The following FARP1 variants were observed in gnomAD, a reference collection of about 807,000 sequenced individuals.
FARP1 encodes FERM, ARH/RhoGEF and pleckstrin domain protein 1.
A neutral mutation model predicts 128.8 loss-of-function variants in FARP1; 52 were observed. The ratio of observed to expected loss-of-function variants is 0.40; its 90% CI spans 0.32 to 0.51. FARP1 has a LOEUF of 0.51. Among genes scored for constraint, FARP1 ranks in the 20% least tolerant of loss-of-function variants. The probability of loss-of-function intolerance (pLI) is 0.45; values close to 1 mark genes in which losing one functional copy is unlikely to be tolerated. For missense variants in FARP1, 1,333 were observed against 1,367.9 expected, an observed-to-expected ratio of 0.97 and a Z score of 0.40; for synonymous variants, 580 against 551.8, an observed-to-expected ratio of 1.05 and a Z score of -0.72.
intron 5 of FARP1, among the ~76,000 whole-genome samples, chr13:98,371,261 T>C (rs1468035867): frequency 6.8e-6 from 1 of 146,620 alleles, no homozygotes; most frequent in Non-Finnish European, 1.5e-5. Flanking sequence ...TTGCCAATAG[T>C]TTTGCACCTT....
intron 13 of FARP1, chr13:98,395,969 T>C: frequency 5.0e-6 from 2 of 399,232 alleles, no homozygotes; most frequent in African/African-American, 4.1e-5. Flanking sequence ...GAGGGGAGTA[T>C]GGGAGAAGAC....
chr13:98,415,276 G>A (rs181983730), intron 16 of FARP1, among the ~76,000 whole-genome samples: 2 of 152,334 alleles, frequency 1.3e-5, no homozygotes, highest in Admixed American at 1.3e-4. Context: ...TGTGTTTTAA[G>A]TACTTCTTGG....
rs372728777 is a variant in FARP1, at chr13:98,279,999, CA to C, written c.172-63762del. Among the ~76,000 whole-genome samples the C allele has an allele frequency of 4.4e-3, 673 of 152,256 alleles. 5 individuals are homozygous for C. The highest frequency in any genetic ancestry group is 0.015 in the African/African-American group (629 of 41,536). ...CCTCTCCCTTGCTCCTGGCTCCTCC[CA>C]GGGGGAGGTAACCATTGCCACATCA... On this transcript the variant is annotated intron_variant, in intron 2 of 26. Transcript: ENST00000319562.
intron 2 of FARP1, among the ~76,000 whole-genome samples, chr13:98,272,026 A>AT (rs111401490): frequency 0.047 from 7,137 of 151,110 alleles, 520 homozygotes; most frequent in African/African-American, 0.16. Context: ...CTCAAAATAC[A>AT]TTTTTTTTTC....
intron 8 of FARP1, among the ~76,000 whole-genome samples, chr13:98,386,774 TC>T (rs3837542): frequency 0.16 from 24,433 of 152,132 alleles, 2,094 homozygotes; most frequent in South Asian, 0.23. Context: ...ATTGAGCTCT[TC>T]CAGGTTTGCT....
intron 2 of FARP1, among the ~76,000 whole-genome samples, chr13:98,281,495 T>A (rs1884936103): frequency 6.6e-6 from 1 of 152,168 alleles, no homozygotes; most frequent in South Asian, 2.1e-4. Context: ...CTGGCCTGGA[T>A]CTCCTTATTG....
intron 2 of FARP1, among the ~76,000 whole-genome samples, chr13:98,293,302 G>T (rs992478147): frequency 6.6e-6 from 1 of 152,168 alleles, no homozygotes; most frequent in Non-Finnish European, 1.5e-5. Context: ...ACAGGGCTGG[G>T]TCAGGGATGC....
At chr13:98,338,831 G>C (rs1432144565) in intron 2 of FARP1, 4 of 152,194 alleles carry the variant, frequency 2.6e-5, no homozygotes, top group African/African-American at 9.6e-5. Flanking sequence ...AATAAGTACA[G>C]AGAAATGATG....
chr13:98,273,718 G>A (rs1449008201), intron 2 of FARP1, among the ~76,000 whole-genome samples: 5 of 152,238 alleles, frequency 3.3e-5, no homozygotes, highest in South Asian at 2.1e-4. Context: ...TAGCTCGTGT[G>A]AAGCAGCAAA....
chr13:98,214,803 A>G (rs9556909), intron 2 of FARP1, among the ~76,000 whole-genome samples: 19,589 of 152,218 alleles, frequency 0.13, 3,028 homozygotes, highest in East Asian at 0.52. Flanking sequence ...CTCATCTGCT[A>G]AAATCATAGA....
intron 3 of FARP1, among the ~76,000 whole-genome samples, chr13:98,353,539 C>T (rs894767705): frequency 2.0e-5 from 3 of 152,168 alleles, no homozygotes; most frequent in Admixed American, 6.5e-5. Context: ...CAACCATGCC[C>T]AGCTAATTTT....
intron 24 of FARP1, 118 bp downstream of exon 24, chr13:98,440,954 G>A (rs1470769640): frequency 1.5e-5 from 15 of 1,009,098 alleles, no homozygotes; most frequent in Admixed American, 4.9e-5. Flanking sequence ...CCACCTACCC[G>A]CGGTGGCTGA....
At chr13:98,362,710 G>T (rs895506342) in intron 3 of FARP1, among the ~76,000 whole-genome samples, 1 of 152,156 alleles carries the variant, frequency 6.6e-6, no homozygotes, top group Non-Finnish European at 1.5e-5. Context: ...GTGTGTCATT[G>T]TTTGTATACT....
chr13:98,443,860 C>T (rs200623584), intron 24 of FARP1, among the ~76,000 whole-genome samples: 1 of 151,916 alleles, frequency 6.6e-6, no homozygotes, highest in African/African-American at 2.4e-5. Flanking sequence ...AGGGAAGGGA[C>T]GGGGTGCAGA....
At chr13:98,367,133 A>AGATGATGATGATGATGAT (rs111823714) in intron 4 of FARP1, among the ~76,000 whole-genome samples, 1 of 148,590 alleles carries the variant, frequency 6.7e-6, no homozygotes, top group South Asian at 2.2e-4. Context: ...TGCAAATCAC[A>AGATGATGATGATGATGAT]GATGATGATG....
At chr13:98,168,307 T>C (rs1877424644) in intron 1 of FARP1, among the ~76,000 whole-genome samples, 1 of 152,254 alleles carries the variant, frequency 6.6e-6, no homozygotes, top group African/African-American at 2.4e-5. Flanking sequence ...AATTTTCCTT[T>C]ATCGCTGAGT....
intron 10 of FARP1, chr13:98,390,476 A>G (rs1043459681): frequency 2.3e-5 from 10 of 431,454 alleles, no homozygotes; most frequent in Middle Eastern, 6.0e-4. Flanking sequence ...ATTGTCTGCC[A>G]TGTGTCAAAT....
intron 18 of FARP1, 171 bp downstream of exon 18, chr13:98,431,451 T>G: frequency 3.8e-6 from 2 of 525,890 alleles, no homozygotes; most frequent in Non-Finnish European, 6.6e-6. Flanking sequence ...TGGTGTTTGG[T>G]TACATCTTGA....
intron 2 of FARP1, among the ~76,000 whole-genome samples, chr13:98,316,058 G>C (rs614069): frequency 0.37 from 55,669 of 152,012 alleles, 10,798 homozygotes; most frequent in Non-Finnish European, 0.43. Context: ...ACATGAGACG[G>C]TTTCGGCTGG....
Sources: gnomAD v4.1 joint callset for allele counts (sites outside exome capture counted in the v4.1 genomes callset) on GRCh38, gnomAD v4.1.1 for gene constraint, MANE v1.5 for transcripts, NCBI Gene and HGNC (gene_info 2026-07-23, HGNC 2026-07-21) for gene names.